LMX1A: variants seen among roughly 807,000 people sequenced by gnomAD.
The protein encoded by LMX1A is LIM homeobox transcription factor 1 alpha.
A neutral mutation model predicts 49.1 loss-of-function variants in LMX1A; 15 were observed. That is an observed-to-expected ratio of 0.31 (90% CI 0.20 to 0.47). LMX1A has a LOEUF of 0.47. Ranked by LOEUF, LMX1A falls within the 20% of genes least tolerant of loss-of-function variation. LMX1A has a pLI of 1.00. For synonymous variants in LMX1A, 167 were observed against 185.7 expected (o/e 0.90, Z 0.82); for missense variants, 372 against 475.8 (o/e 0.78, Z 2.03).
intron 3 of LMX1A, among the ~76,000 whole-genome samples, chr1:165,335,626 G>T (rs1405007240): frequency 4.6e-5 from 7 of 152,216 alleles, no homozygotes; most frequent in African/African-American, 1.7e-4. Context: ...GCAAAGAAAG[G>T]TAAACATAAG....
At chr1:165,327,625 C>G (rs1025114159) in intron 3 of LMX1A, among the ~76,000 whole-genome samples, 2 of 152,238 alleles carry the variant, frequency 1.3e-5, no homozygotes, top group Non-Finnish European at 2.9e-5. Context: ...CCCCTCCCAA[C>G]TGACAGCCTC....
intron 6 of LMX1A, among the ~76,000 whole-genome samples, chr1:165,209,364 T>C (rs1445688225): frequency 6.6e-6 from 1 of 152,220 alleles, no homozygotes; most frequent in Non-Finnish European, 1.5e-5. Flanking sequence ...CCTATGTGAA[T>C]GTTAATGACT....
intron 3 of LMX1A, among the ~76,000 whole-genome samples, chr1:165,314,542 G>T (rs774479982): frequency 4.6e-5 from 7 of 152,024 alleles, no homozygotes; most frequent in South Asian, 4.1e-4. Flanking sequence ...TCTTAGCTTT[G>T]TCTTTCTTCA....
At chr1:165,242,483 T>C (rs1202198121) in intron 4 of LMX1A, among the ~76,000 whole-genome samples, 22 of 148,194 alleles carry the variant, frequency 1.5e-4, no homozygotes, top group African/African-American at 5.5e-4. Flanking sequence ...AAAAAAAGCA[T>C]TTGGATCCCA....
At chr1:165,305,007 C>T (rs1571212622) in intron 3 of LMX1A, among the ~76,000 whole-genome samples, 2 of 152,358 alleles carry the variant, frequency 1.3e-5, no homozygotes, top group Middle Eastern at 3.4e-3. Flanking sequence ...ACACTTACCA[C>T]TTTGCATTAT....
chr1:165,205,143 C>A (rs1230837379), intron 8 of LMX1A, among the ~76,000 whole-genome samples: 3 of 152,078 alleles, frequency 2.0e-5, no homozygotes, highest in African/African-American at 7.2e-5. Context: ...ACAGTACAGA[C>A]CAATGCATTA....
rs1209271030 is a variant in LMX1A, at chr1:165,356,615, G to A, written c.-283C>T. ...AGCCCGCGTCGCTCCTCAGCGGGAGGAGAGGGCCAGTTGCTTCTCCAAGGC... is the reference window on the plus strand; with the variant it reads ...AGCCCGCGTCGCTCCTCAGCGGGAGAAGAGGGCCAGTTGCTTCTCCAAGGC... On this transcript the variant is annotated 5_prime_UTR_variant, in exon 1 of 9. Transcript: ENST00000342310. 3 of 152,668 alleles carry A rather than the reference G, an allele frequency of 2.0e-5. No homozygotes were observed. Among genetic ancestry groups the A allele is most frequent in the African/African-American group, 7.2e-5 (3 of 41,464 alleles). 9.5% of individuals were successfully genotyped at this position (152,668 alleles called of 1,614,324 possible). A position where few individuals can be genotyped will look rare whatever the true frequency, so the allele number is the denominator to read the frequency against.
intron 3 of LMX1A, among the ~76,000 whole-genome samples, chr1:165,335,738 C>G (rs1655876502): frequency 6.6e-6 from 1 of 152,128 alleles, no homozygotes; most frequent in African/African-American, 2.4e-5. Flanking sequence ...TTGTATAAAT[C>G]AACAAGGGCA....
At chr1:165,250,986 G>A (rs1246998037) in intron 3 of LMX1A, among the ~76,000 whole-genome samples, 4 of 152,076 alleles carry the variant, frequency 2.6e-5, no homozygotes, top group African/African-American at 7.2e-5. Context: ...TTAGAGGCAG[G>A]TACCTCCAGA....
chr1:165,336,996 AGAGT>A (rs1655917357), intron 3 of LMX1A, among the ~76,000 whole-genome samples: 1 of 152,202 alleles, frequency 6.6e-6, no homozygotes, highest in Non-Finnish European at 1.5e-5. Flanking sequence ...ATAGGTGGTC[AGAGT>A]GGGAGAATAT....
intron 4 of LMX1A, among the ~76,000 whole-genome samples, chr1:165,214,114 C>T (rs937839930): frequency 1.3e-5 from 2 of 152,130 alleles, no homozygotes; most frequent in African/African-American, 4.8e-5. Context: ...GTTCTGAGTC[C>T]CCAGAATTGT....
intron 3 of LMX1A, among the ~76,000 whole-genome samples, chr1:165,344,185 A>G (rs748954919): frequency 2.0e-5 from 3 of 152,240 alleles, no homozygotes; most frequent in Non-Finnish European, 4.4e-5. Context: ...TCAAAACTCC[A>G]GCCAAAAAGA....
chr1:165,355,416 G>T lies in LMX1A; in HGVS notation c.76+68C>A, dbSNP rs1352762048. On this transcript the variant is annotated intron_variant, in intron 2 of 8. Coordinates refer to ENST00000342310, the MANE Select transcript of LMX1A (RefSeq NM_177398.4). The surrounding 1 kb of genome is among the most constrained non-coding windows in gnomAD (Gnocchi z 4.7). ...CCTATCGCGGACCAGGTCCCAGAGA[G>T]CGGGGCTCCAGAGCTCAGCGCCAAG... is the stretch of plus-strand genomic sequence containing the variant. 6.7e-7 allele frequency: 1 copy of T among 1,497,102 alleles called. No homozygotes were observed. The highest frequency in any genetic ancestry group is 2.3e-5 in the East Asian group (1 of 43,710). 92.7% of individuals were successfully genotyped at this position (1,497,102 alleles called of 1,614,324 possible).
chr1:165,337,265 C>A (rs934972124), intron 3 of LMX1A, among the ~76,000 whole-genome samples: 3 of 152,136 alleles, frequency 2.0e-5, no homozygotes, highest in Non-Finnish European at 2.9e-5. Flanking sequence ...ATAACAATAT[C>A]TTTAATTAAA....
intron 3 of LMX1A, among the ~76,000 whole-genome samples, chr1:165,344,939 ACTCAGG>A (rs1656187751): frequency 6.6e-6 from 1 of 152,114 alleles, no homozygotes; most frequent in Non-Finnish European, 1.5e-5. Context: ...ATCAGCTCCG[ACTCAGG>A]CTCAGGCTGT....
chr1:165,338,380 G>T (rs772330288), intron 3 of LMX1A, among the ~76,000 whole-genome samples: 3 of 152,188 alleles, frequency 2.0e-5, no homozygotes, highest in African/African-American at 4.8e-5. Context: ...AGTTCATTGG[G>T]AAAGTCCTTT....
intron 4 of LMX1A, among the ~76,000 whole-genome samples, chr1:165,234,306 G>T (rs1373626186): frequency 6.6e-6 from 1 of 152,030 alleles, no homozygotes; most frequent in African/African-American, 2.4e-5. Context: ...TACCTACTCT[G>T]CCAAGTCCTA....
intron 2 of LMX1A, among the ~76,000 whole-genome samples, chr1:165,353,937 T>G (rs564316436): frequency 6.6e-6 from 1 of 152,170 alleles, no homozygotes; most frequent in Non-Finnish European, 1.5e-5. Flanking sequence ...AGCCGCTGAG[T>G]GTCCCGGCCG....
chr1:165,236,217 G>A (rs1402607986), intron 4 of LMX1A, among the ~76,000 whole-genome samples: 4 of 152,226 alleles, frequency 2.6e-5, no homozygotes, highest in African/African-American at 7.2e-5. Context: ...CCGCCCTTTC[G>A]CTAAGGCTGG....
Sources: gnomAD v4.1 joint callset for allele counts (sites outside exome capture counted in the v4.1 genomes callset) on GRCh38, gnomAD v4.1.1 for gene constraint, Gnocchi (gnomAD v3.1) non-coding constraint, MANE v1.5 for transcripts, NCBI Gene and HGNC (gene_info 2026-07-23, HGNC 2026-07-21) for gene names.